Variants in RERE observed in about 807,000 individuals in gnomAD.
RERE encodes arginine-glutamic acid dipeptide repeats.
A neutral mutation model predicts 146.1 loss-of-function variants in RERE; 40 were observed. That is an observed-to-expected ratio of 0.27 (90% CI 0.21 to 0.36). The LOEUF (loss-of-function observed/expected upper bound fraction) is 0.36. RERE is among the 10% of genes least tolerant of loss of function. RERE has a pLI of 1.00. For synonymous variants in RERE, 1,003 were observed against 866.0 expected (o/e 1.16, Z -2.78); for missense variants, 1,933 against 2,138.7 (o/e 0.90, Z 1.90).
intron 11 of RERE, among the ~76,000 whole-genome samples, chr1:8,439,388 T>C (rs979843766): frequency 2.0e-5 from 3 of 152,116 alleles, no homozygotes; most frequent in African/African-American, 7.2e-5. Flanking sequence ...AGAAACCTGA[T>C]CTAAATGCAT....
At chr1:8,575,474 C>T (rs1380739914) in intron 4 of RERE, among the ~76,000 whole-genome samples, 2 of 147,640 alleles carry the variant, frequency 1.4e-5, no homozygotes, top group East Asian at 2.0e-4. Context: ...CTCAACATCC[C>T]ACTCTCAGAC....
At chr1:8,706,996 A>AT (rs1302054384) in intron 1 of RERE, among the ~76,000 whole-genome samples, 1 of 152,216 alleles carries the variant, frequency 6.6e-6, no homozygotes, top group African/African-American at 2.4e-5. Flanking sequence ...ATTAATACTC[A>AT]TTATGACTGT....
At chr1:8,559,476 C>T (rs773628895) in intron 4 of RERE, among the ~76,000 whole-genome samples, 1 of 151,788 alleles carries the variant, frequency 6.6e-6, no homozygotes, top group Non-Finnish European at 1.5e-5. Flanking sequence ...AATATTTATG[C>T]ATTTTATGCC....
At chr1:8,771,309 G>A (rs1200007782) in intron 1 of RERE, among the ~76,000 whole-genome samples, 1 of 151,748 alleles carries the variant, frequency 6.6e-6, no homozygotes, top group African/African-American at 2.4e-5. Context: ...ATCACTTGAG[G>A]TCAGGAGTTC....
intron 4 of RERE, among the ~76,000 whole-genome samples, chr1:8,574,095 C>T (rs964361825): frequency 6.6e-6 from 1 of 152,126 alleles, no homozygotes; most frequent in Non-Finnish European, 1.5e-5. Flanking sequence ...CATGAGCCAC[C>T]GTGCCCAACC....
intron 1 of RERE, among the ~76,000 whole-genome samples, chr1:8,745,089 C>T (rs1218883691): frequency 1.3e-5 from 2 of 152,138 alleles, no homozygotes; most frequent in Non-Finnish European, 2.9e-5. Context: ...TCACCCAAAT[C>T]TCATCTTGAA....
chr1:8,535,087 C>T (rs1326430371), intron 7 of RERE, among the ~76,000 whole-genome samples: 1 of 152,032 alleles, frequency 6.6e-6, no homozygotes, highest in Non-Finnish European at 1.5e-5. Context: ...TGCACTTAAA[C>T]CGTACCTACG....
At chr1:8,737,625 AG>A (rs1195775640) in intron 1 of RERE, among the ~76,000 whole-genome samples, 1 of 151,968 alleles carries the variant, frequency 6.6e-6, no homozygotes, top group African/African-American at 2.4e-5. Flanking sequence ...TTGTAGAGAC[AG>A]GATTTCCCTA....
chr1:8,624,442 C>A, intron 2 of RERE, 62 bp from the exon 3 acceptor site: 2 of 1,034,946 alleles, frequency 1.9e-6, no homozygotes, highest in Non-Finnish European at 3.0e-6. Flanking sequence ...AAGACAGGGC[C>A]CATAAAGCCA....
chr1:8,637,672 G>A (rs1462315922), intron 2 of RERE, among the ~76,000 whole-genome samples: 2 of 152,162 alleles, frequency 1.3e-5, no homozygotes, highest in East Asian at 1.9e-4. Flanking sequence ...TCCACTCATG[G>A]TGGCAAAGAT....
chr1:8,422,541 T>C (rs1643925036), intron 12 of RERE, among the ~76,000 whole-genome samples, 186 bp downstream of exon 12: 1 of 152,212 alleles, frequency 6.6e-6, no homozygotes, highest in South Asian at 2.1e-4. Context: ...AATCTGTCAC[T>C]TTACTATCTA....
chr1:8,356,210 A>AG lies in RERE; in HGVS notation c.4375dup (p.Leu1459ProfsTer44). On this transcript the variant is annotated frameshift_variant, in exon 21 of 23. Coordinates refer to ENST00000400908, the MANE Select transcript of RERE (RefSeq NM_001042681.2). LOFTEE classifies it high-confidence loss of function. The surrounding 1 kb of genome is among the most constrained non-coding windows in gnomAD (Gnocchi z 5.2). ...GCGAGCCAGGTGGGGACCGGCAGTC[A>AG]GGGGGTCGACCAGCGGGTGAACGGG... 6.6e-7 allele frequency: 1 copy of AG among 1,524,122 alleles called. No homozygotes were observed. The highest frequency in any genetic ancestry group is 8.7e-7 in the Non-Finnish European group (1 of 1,147,152). 94.4% of individuals were successfully genotyped at this position (1,524,122 alleles called of 1,614,324 possible). A position where few individuals can be genotyped will look rare whatever the true frequency, so the allele number is the denominator to read the frequency against.
At chr1:8,643,885 T>A (rs1647218094) in intron 2 of RERE, among the ~76,000 whole-genome samples, 1 of 152,216 alleles carries the variant, frequency 6.6e-6, no homozygotes, top group Non-Finnish European at 1.5e-5. Flanking sequence ...CCTATTTTTT[T>A]CCTTTCCTGC....
intron 8 of RERE, among the ~76,000 whole-genome samples, chr1:8,502,463 T>G (rs1247671046): frequency 2.7e-5 from 3 of 112,318 alleles, no homozygotes; most frequent in East Asian, 5.9e-4. Flanking sequence ...GGGAGGGTGG[T>G]GGGGGGGTCA....
chr1:8,417,688 C>G (rs1356651857), intron 12 of RERE, among the ~76,000 whole-genome samples: 1 of 152,186 alleles, frequency 6.6e-6, no homozygotes, highest in Non-Finnish European at 1.5e-5. Flanking sequence ...CACTTCTCTT[C>G]TTAAAAGCCT....
At chr1:8,506,497 G>A (rs1645251616) in intron 8 of RERE, among the ~76,000 whole-genome samples, 1 of 152,216 alleles carries the variant, frequency 6.6e-6, no homozygotes, top group Non-Finnish European at 1.5e-5. Flanking sequence ...ATTTAGAAAT[G>A]CTCAAAATCT....
chr1:8,816,928 CAA>C (rs1641924078), intron 1 of RERE, among the ~76,000 whole-genome samples: 1 of 152,088 alleles, frequency 6.6e-6, no homozygotes, highest in Non-Finnish European at 1.5e-5. Flanking sequence ...AATAAGAGGC[CAA>C]GAGAGAGCAG....
At chr1:8,558,494 T>G (rs565542739) in intron 4 of RERE, among the ~76,000 whole-genome samples, 2 of 152,316 alleles carry the variant, frequency 1.3e-5, no homozygotes, top group African/African-American at 4.8e-5. Context: ...AGCCTCTACG[T>G]TCTCATCACA....
Position 8,358,442 on chromosome 1 carries a change from CA to C in RERE, c.4092del (p.Phe1364LeufsTer8). ...GGGTTCAGGCCCGGGTGGAAAGAAG[CA>C]AAAGGGTGGGGCCCGGCGGTCGGGG... ...TIPPTAGPHPFASFHPGLNPL... is the reference protein window; with the variant it reads ...TIPPTAGPHPXASFHPGLNPL... On this transcript the variant is annotated frameshift_variant, in exon 20 of 23. Coordinates refer to ENST00000400908, the MANE Select transcript of RERE (RefSeq NM_001042681.2). LOFTEE classifies it high-confidence loss of function. 1 of 1,591,302 alleles carries C rather than the reference CA, an allele frequency of 6.3e-7. No individual in the cohort carries two copies. Among genetic ancestry groups the C allele is most frequent in the Non-Finnish European group, 8.6e-7 (1 of 1,165,548 alleles).
Sources: gnomAD v4.1 joint callset for allele counts (sites outside exome capture counted in the v4.1 genomes callset) on GRCh38, gnomAD v4.1.1 for gene constraint, Gnocchi (gnomAD v3.1) non-coding constraint, MANE v1.5 for transcripts, NCBI Gene and HGNC (gene_info 2026-07-23, HGNC 2026-07-21) for gene names.